The following UNC13C variants were observed in gnomAD, a reference collection of about 807,000 sequenced individuals.
UNC13C encodes unc-13 homolog C, also known as protein unc-13 homolog C.
UNC13C carries 174 observed loss-of-function variants against 245.4 expected under a neutral mutation model. The observed-to-expected ratio is 0.71, with a 90% confidence interval of 0.63 to 0.80. UNC13C has a LOEUF of 0.80. Ranked by LOEUF, UNC13C falls within the 30% of genes least tolerant of loss-of-function variation. UNC13C has a pLI of 0.00. For missense variants in UNC13C, 2,829 were observed against 2,602.9 expected (o/e 1.09, Z -1.89); for synonymous variants, 992 against 895.1 (o/e 1.11, Z -1.93).
At chr15:54,002,050 G>C (rs569052850) in intron 1 of UNC13C, among the ~76,000 whole-genome samples, 10 of 152,352 alleles carry the variant, frequency 6.6e-5, no homozygotes, top group African/African-American at 2.4e-4. Flanking sequence ...ACTTTGGGAG[G>C]CCGAGGCGGG....
At chr15:54,067,899 G>C (rs184966295) in intron 2 of UNC13C, among the ~76,000 whole-genome samples, 1 of 152,266 alleles carries the variant, frequency 6.6e-6, no homozygotes, top group Admixed American at 6.5e-5. Flanking sequence ...TTAAAATTAA[G>C]GAGTTAGAGT....
At chr15:54,213,446 T>G (rs1287740023) in intron 4 of UNC13C, among the ~76,000 whole-genome samples, 1 of 151,994 alleles carries the variant, frequency 6.6e-6, no homozygotes, top group Non-Finnish European at 1.5e-5. Context: ...ATGTGTATTA[T>G]AAAAGGAATA....
intron 2 of UNC13C, among the ~76,000 whole-genome samples, chr15:54,128,156 C>G (rs1401167121): frequency 6.6e-6 from 1 of 151,956 alleles, no homozygotes; most frequent in Non-Finnish European, 1.5e-5. Flanking sequence ...GAACACAATC[C>G]CATTTACAAT....
chr15:54,247,825 G>T (rs1043006992), intron 7 of UNC13C, among the ~76,000 whole-genome samples: 2 of 151,462 alleles, frequency 1.3e-5, no homozygotes, highest in African/African-American at 4.9e-5. Flanking sequence ...ATGAATTATG[G>T]CTCCTTAGCC....
the UNC13C span, among the ~76,000 whole-genome samples, chr15:53,894,305 G>A: frequency 6.6e-6 from 1 of 152,156 alleles, no homozygotes; most frequent in Non-Finnish European, 1.5e-5. Context: ...GCTAATATTG[G>A]TATTTATTTC....
At chr15:54,570,052 T>G (rs371737680) in intron 30 of UNC13C, among the ~76,000 whole-genome samples, 3 of 152,172 alleles carry the variant, frequency 2.0e-5, no homozygotes, top group African/African-American at 4.8e-5. Flanking sequence ...CTCAGTGTTT[T>G]GGGGAATGGA....
chr15:54,484,256 G>T (rs184923699), intron 19 of UNC13C, among the ~76,000 whole-genome samples: 26 of 152,258 alleles, frequency 1.7e-4, no homozygotes, highest in African/African-American at 5.8e-4. Context: ...TCATTGTATT[G>T]CAGTTTTATA....
intron 2 of UNC13C, among the ~76,000 whole-genome samples, chr15:54,057,824 A>C (rs957659587): frequency 7.2e-5 from 11 of 152,212 alleles, no homozygotes; most frequent in East Asian, 3.9e-4. Flanking sequence ...AAACCACTCA[A>C]CTACATGGAA....
At chr15:54,498,431 T>C (rs1272832309) in intron 20 of UNC13C, among the ~76,000 whole-genome samples, 2 of 151,936 alleles carry the variant, frequency 1.3e-5, no homozygotes, top group Non-Finnish European at 2.9e-5. Context: ...TAAATACTCA[T>C]GAGTAAAAAA....
At chr15:54,264,478 G>A (rs982502115) in intron 9 of UNC13C, 83 bp downstream of exon 9, 2 of 1,075,838 alleles carry the variant, frequency 1.9e-6, no homozygotes, top group Admixed American at 5.2e-5. Flanking sequence ...AATAATTATA[G>A]GTAAAATAAA....
intron 4 of UNC13C, among the ~76,000 whole-genome samples, chr15:54,207,603 G>A (rs2034756356): frequency 6.6e-6 from 1 of 152,050 alleles, no homozygotes; most frequent in Non-Finnish European, 1.5e-5. Flanking sequence ...GATAACTGAA[G>A]TACCCATTAA....
At chr15:54,598,132 G>T (rs575083181) in intron 30 of UNC13C, among the ~76,000 whole-genome samples, 1 of 152,218 alleles carries the variant, frequency 6.6e-6, no homozygotes, top group Non-Finnish European at 1.5e-5. Flanking sequence ...ATGGAGTCTC[G>T]CTTTGTCGCC....
At chr15:54,503,863 C>G (rs2141104333) in intron 22 of UNC13C, among the ~76,000 whole-genome samples, 1 of 152,010 alleles carries the variant, frequency 6.6e-6, no homozygotes, top group East Asian at 1.9e-4. Context: ...ACTAAAATCC[C>G]ATTATCTTTA....
chr15:54,137,382 C>G (rs1033397822), intron 2 of UNC13C, among the ~76,000 whole-genome samples: 1 of 152,150 alleles, frequency 6.6e-6, no homozygotes, highest in Non-Finnish European at 1.5e-5. Context: ...GTATTATCTC[C>G]TCTTCAATTT....
chr15:54,005,187 C>A (rs1219729799), intron 1 of UNC13C, among the ~76,000 whole-genome samples: 3 of 152,122 alleles, frequency 2.0e-5, no homozygotes, highest in South Asian at 2.1e-4. Context: ...GTGAGACTTG[C>A]ATTTCAACAA....
intron 30 of UNC13C, among the ~76,000 whole-genome samples, chr15:54,608,676 G>A (rs2414329): frequency 1.5e-3 from 230 of 152,020 alleles, no homozygotes; most frequent in African/African-American, 5.4e-3. Context: ...ACTGTGTCAC[G>A]ATAAAAAACA....
At chr15:54,491,153 T>A (rs905102343) in intron 19 of UNC13C, among the ~76,000 whole-genome samples, 2 of 152,204 alleles carry the variant, frequency 1.3e-5, no homozygotes, top group African/African-American at 4.8e-5. Context: ...TGGTAGTAAA[T>A]GAAACTGAGT....
chr15:54,315,759 T>C (rs1285625670), intron 13 of UNC13C, among the ~76,000 whole-genome samples: 1 of 151,836 alleles, frequency 6.6e-6, no homozygotes, highest in Non-Finnish European at 1.5e-5. Flanking sequence ...TTTCAATTTT[T>C]AGTTCCCAGC....
At chr15:53,905,846 A>T in the UNC13C span, among the ~76,000 whole-genome samples, 1 of 152,234 alleles carries the variant, frequency 6.6e-6, no homozygotes, top group South Asian at 2.1e-4. Context: ...ATTTCACAAC[A>T]TATATGTATC....
Sources: allele counts gnomAD v4.1 joint callset (sites outside exome capture counted in the v4.1 genomes callset), GRCh38; gene constraint gnomAD v4.1.1; transcripts MANE v1.5; gene names NCBI Gene and HGNC (gene_info 2026-07-23, HGNC 2026-07-21).